Variants in CYLD observed in about 807,000 individuals in gnomAD.
The protein encoded by CYLD is ubiquitin carboxyl-terminal hydrolase CYLD.
CYLD carries 26 observed loss-of-function variants against 104.5 expected under a neutral mutation model. The ratio of observed to expected loss-of-function variants is 0.25; its 90% CI spans 0.18 to 0.35. The LOEUF (loss-of-function observed/expected upper bound fraction) is 0.35, where lower values mean the gene tolerates loss of function less well. Ranked by LOEUF, CYLD falls within the 10% of genes least tolerant of loss-of-function variation. CYLD has a pLI of 1.00. For missense variants in CYLD, 703 were observed against 1,136.1 expected, an observed-to-expected ratio of 0.62 and a Z score of 5.48; for synonymous variants, 385 against 399.9, an observed-to-expected ratio of 0.96 and a Z score of 0.45.
chr16:50,775,148 GTTTTTGCTGA>G lies in CYLD; in HGVS notation c.914-17_914-8del. The G allele has an allele frequency of 1.3e-6, 2 of 1,595,042 alleles. No homozygotes were observed. The highest frequency in any genetic ancestry group is 1.7e-6 in the Non-Finnish European group (2 of 1,176,584). On this transcript the variant is annotated splice_polypyrimidine_tract_variant and splice_region_variant and intron_variant, in intron 5 of 18. Transcript: ENST00000427738. ...CCTCAAATCCACTGTGGGTGATATCGTTTTTGCTGACACACAGCTTTATCAGGTATGACTC... is the reference window on the plus strand; with the variant it reads ...CCTCAAATCCACTGTGGGTGATATCGCACACAGCTTTATCAGGTATGACTC...
Position 50,750,081 on chromosome 16 carries a change from G to A in CYLD, c.383G>A (p.Gly128Asp), listed in dbSNP as rs2150897163. The stretch of plus-strand genomic sequence containing the variant: ...AGTAAAGGCCTCCAAATAGACGTGG[G>A]CTGTCCTGTGAAAGTACAGCTGAGA... ...RLSKGLQIDV[G>D]CPVKVQLRSG... The change falls in exon 3 of 19, where the codon GGC (glycine) becomes GAC (aspartate). Residue 128 changes from glycine (G) to aspartate (D), a missense_variant. By Grantham distance (94) the Gly-to-Asp change is moderately conservative. Transcript: ENST00000427738. The A allele has an allele frequency of 6.2e-7, 1 of 1,614,110 alleles. No homozygotes were observed. Among genetic ancestry groups the A allele is most frequent in the Middle Eastern group, 1.6e-4 (1 of 6,062 alleles).
chr16:50,777,249 T>C (rs1207672601), intron 7 of CYLD, among the ~76,000 whole-genome samples: 2 of 152,154 alleles, frequency 1.3e-5, no homozygotes, highest in Non-Finnish European at 2.9e-5. Flanking sequence ...TGTCATGAAA[T>C]GGCTGTGGCA....
rs1279544766 is a variant in CYLD at position 50,782,550 on chromosome 16, G to A, written c.1826+84G>A. 2.2e-5 allele frequency: 31 copies of A among 1,439,506 alleles called. No individual in the cohort carries two copies. In the East Asian group the frequency reaches 2.8e-4, roughly 13 times the overall value. 89.2% of individuals were successfully genotyped at this position (1,439,506 alleles called of 1,614,324 possible). A position where few individuals can be genotyped will look rare whatever the true frequency, so the allele number is the denominator to read the frequency against. On this transcript the variant is annotated intron_variant, in intron 11 of 18. Transcript: ENST00000427738. ...GGTGTGTGTGTGTGTGTGCGTGTGAGTGTGTGTGAAAGAAACTGCCATCTG... is the reference window on the plus strand; with the variant it reads ...GGTGTGTGTGTGTGTGTGCGTGTGAATGTGTGTGAAAGAAACTGCCATCTG...
At chr16:50,764,475 G>A (rs1165278174) in intron 5 of CYLD, among the ~76,000 whole-genome samples, 1 of 152,102 alleles carries the variant, frequency 6.6e-6, no homozygotes, top group South Asian at 2.1e-4. Context: ...AACCTCAGCA[G>A]CATCTGCCCT....
Position 50,793,634 on chromosome 16 carries a change from C to T in CYLD, c.2439C>T (p.Ile813=), listed in dbSNP as rs759287395. ...YDDPDISAGK[I]KQFCKTCNTQ... ...ATCCGGACATCTCAGCTGGAAAAATCAAGCAGTTTTGTAAAACCTGCAACA... is the reference window on the plus strand; with the variant it reads ...ATCCGGACATCTCAGCTGGAAAAATTAAGCAGTTTTGTAAAACCTGCAACA... Residue 813 remains isoleucine, a synonymous_variant, in exon 17 of 19, where the codon ATC becomes ATT. Transcript: ENST00000427738. The T allele has an allele frequency of 1.9e-6, 3 of 1,613,964 alleles. No homozygotes were observed. In the South Asian group the frequency reaches 3.3e-5, roughly 18 times the overall value.
rs1972211206 is a variant in CYLD, at chr16:50,798,322, A to G, written c.*1814A>G. 4.3e-6 allele frequency: 1 copy of G among 231,830 alleles called. No homozygotes were observed. Among genetic ancestry groups the G allele is most frequent in the Non-Finnish European group, 8.5e-6 (1 of 117,202 alleles). The allele number at this position is 231,830 out of a possible 1,614,324, so 14.4% of individuals were successfully genotyped here. On this transcript the variant is annotated 3_prime_UTR_variant, in exon 19 of 19. Coordinates refer to ENST00000427738, the MANE Select transcript of CYLD (RefSeq NM_001378743.1). The stretch of plus-strand genomic sequence containing the variant: ...ATGGAAAATACGATTTTTTTTAAAA[A>G]AAGGATGGTTACATCCGTATTGAAC...
intron 5 of CYLD, among the ~76,000 whole-genome samples, chr16:50,762,152 A>G (rs1051242952): frequency 6.6e-6 from 1 of 151,840 alleles, no homozygotes; most frequent in African/African-American, 2.4e-5. Context: ...GCAACCTCCC[A>G]TCATCCACCC....
intron 5 of CYLD, among the ~76,000 whole-genome samples, chr16:50,774,060 A>G (rs1969415116): frequency 1.3e-5 from 2 of 152,218 alleles, no homozygotes; most frequent in South Asian, 4.1e-4. Flanking sequence ...AAGCCTAACA[A>G]AGGGAAGAGC....
chr16:50,761,133 T>C (rs963796111), intron 5 of CYLD, among the ~76,000 whole-genome samples: 1 of 152,226 alleles, frequency 6.6e-6, no homozygotes, highest in Non-Finnish European at 1.5e-5. Context: ...GGTTAGGTTA[T>C]TGGCCTTTTT....
In CYLD at chr16:50,798,917, C is replaced by T. The variant is rs913849123; in HGVS notation, c.*2409C>T. Reference sequence around the variant, plus strand: ...GCTCTGGTGGTTCCTGGGGAGGCTGCGTCCTTCCCTGCTTCTGCATGTCAT... The same window carrying T: ...GCTCTGGTGGTTCCTGGGGAGGCTGTGTCCTTCCCTGCTTCTGCATGTCAT... On this transcript the variant is annotated 3_prime_UTR_variant, in exon 19 of 19. Coordinates refer to ENST00000427738, the MANE Select transcript of CYLD (RefSeq NM_001378743.1). 12 of 233,346 alleles carry T rather than the reference C, an allele frequency of 5.1e-5. No individual in the cohort carries two copies. Among genetic ancestry groups the T allele is most frequent in the African/African-American group, 2.2e-4 (10 of 45,452 alleles). The allele number at this position is 233,346 out of a possible 1,614,324, so 14.5% of individuals were successfully genotyped here. A position where few individuals can be genotyped will look rare whatever the true frequency, so the allele number is the denominator to read the frequency against.
At chr16:50,750,677 G>A (rs1966547214) in intron 3 of CYLD, among the ~76,000 whole-genome samples, 1 of 152,064 alleles carries the variant, frequency 6.6e-6, no homozygotes, top group African/African-American at 2.4e-5. Flanking sequence ...GATTCACCTG[G>A]CTATTGCAGA....
At chr16:50,763,972 A>G (rs572042124) in intron 5 of CYLD, among the ~76,000 whole-genome samples, 1 of 151,524 alleles carries the variant, frequency 6.6e-6, no homozygotes, top group Admixed American at 6.6e-5. Flanking sequence ...AATTTTATCA[A>G]CCCCTTTTTC....
At chr16:50,754,296 A>C in intron 4 of CYLD, 23 bp from the exon 5 acceptor site, 1 of 1,433,124 alleles carries the variant, frequency 7.0e-7, no homozygotes, top group South Asian at 1.1e-5. Flanking sequence ...GGAGGATTTT[A>C]ATGTTTATTA....
At position 50,794,361 on chromosome 16, in the gene CYLD, T is replaced by G. The variant is rs373541485; in HGVS notation, c.2619T>G (p.Val873=). The change falls in exon 18 of 19, where the codon GTT becomes GTG. Residue 873 remains valine, a synonymous_variant. Coordinates refer to ENST00000427738, the MANE Select transcript of CYLD (RefSeq NM_001378743.1). The surrounding 1 kb of genome is among the most constrained non-coding windows in gnomAD (Gnocchi z 4.1). ...AVLCIETSHY[V]AFVKYGKDDS... The stretch of plus-strand genomic sequence containing the variant: ...TCTGCATAGAAACAAGCCACTATGT[T>G]GCTTTTGTGAAGTATGGGAAGGACG... The G allele has an allele frequency of 1.2e-6, 2 of 1,614,052 alleles. No homozygotes were observed. The highest frequency in any genetic ancestry group is 2.7e-5 in the African/African-American group (2 of 74,916).
intron 5 of CYLD, among the ~76,000 whole-genome samples, chr16:50,755,213 A>C (rs1212334604): frequency 6.8e-6 from 1 of 147,598 alleles, no homozygotes; most frequent in Non-Finnish European, 1.5e-5. Context: ...GTGTGTATAT[A>C]CACACGTGTA....
At chr16:50,760,557 A>G (rs1193180292) in intron 5 of CYLD, among the ~76,000 whole-genome samples, 3 of 152,232 alleles carry the variant, frequency 2.0e-5, no homozygotes, top group Admixed American at 6.5e-5. Context: ...TAGATACACT[A>G]TTCTGCTGTT....
At chr16:50,778,876 TATCTC>T (rs1295003952) in intron 8 of CYLD, among the ~76,000 whole-genome samples, 6 of 152,198 alleles carry the variant, frequency 3.9e-5, no homozygotes, top group African/African-American at 1.4e-4. Flanking sequence ...GATAACCAAT[TATCTC>T]AACAGCATTT....
intron 15 of CYLD, 37 bp from the exon 16 acceptor site, chr16:50,792,560 A>G (rs1420876990): frequency 6.9e-7 from 1 of 1,458,232 alleles, no homozygotes; most frequent in African/African-American, 1.4e-5. Context: ...TGTTTTTTTT[A>G]ACACTTTGAT....
chr16:50,757,119 C>A (rs1281131472), intron 5 of CYLD, among the ~76,000 whole-genome samples: 1 of 151,134 alleles, frequency 6.6e-6, no homozygotes. Flanking sequence ...TTTTTCAGGT[C>A]ATTTCAGGTC....
Sources: allele counts gnomAD v4.1 joint callset (sites outside exome capture counted in the v4.1 genomes callset), GRCh38; gene constraint gnomAD v4.1.1; non-coding constraint Gnocchi (gnomAD v3.1); transcripts MANE v1.5; gene names NCBI Gene and HGNC (gene_info 2026-07-23, HGNC 2026-07-21).